Variants in CACNA1E observed in about 807,000 individuals in gnomAD.
CACNA1E encodes the protein calcium voltage-gated channel subunit alpha1 E.
A neutral mutation model predicts 259.2 loss-of-function variants in CACNA1E; 40 were observed. The observed-to-expected ratio is 0.15, with a 90% CI of 0.12 to 0.20. CACNA1E has a LOEUF of 0.20. CACNA1E is among the 10% of genes least tolerant of loss of function. The pLI is 1.00. For missense variants in CACNA1E, 1,874 were observed against 3,040.1 expected (o/e 0.62, Z 9.02); for synonymous variants, 1,104 against 1,138.5 (o/e 0.97, Z 0.61).
chr1:181,571,997 A>T (rs1650458515), intron 3 of CACNA1E, among the ~76,000 whole-genome samples: 1 of 152,262 alleles, frequency 6.6e-6, no homozygotes, highest in Non-Finnish European at 1.5e-5. Context: ...TCAGATAAAC[A>T]ATGAATATTC....
chr1:181,708,733 G>C (rs940277032), intron 7 of CACNA1E, among the ~76,000 whole-genome samples: 1 of 152,192 alleles, frequency 6.6e-6, no homozygotes, highest in Middle Eastern at 3.2e-3. Context: ...ACTCCATCAA[G>C]TTGCATAACT....
At position 181,732,447 on chromosome 1, in the gene CACNA1E, G is replaced by A. The variant is rs754323883; in HGVS notation, c.2361G>A (p.Lys787=). ...VWEQRTSQLR[K]HMQMSSQEAL... ...AGCAGCGTACCAGCCAGCTGAGGAA[G>A]CACATGCAGATGTCCAGCCAGGAGG... The change falls in exon 20 of 48, where the codon AAG becomes AAA. Residue 787 remains lysine, a synonymous_variant. Coordinates refer to ENST00000367573, the MANE Select transcript of CACNA1E (RefSeq NM_001205293.3). This position sits in a 1 kb window ranked among gnomAD's most constrained non-coding sequence, Gnocchi z 5.5. 1.9e-6 allele frequency: 3 copies of A among 1,549,810 alleles called. No homozygotes were observed. The highest frequency in any genetic ancestry group is 2.4e-5 in the South Asian group (2 of 83,798).
chr1:181,698,819 G>C (rs977399492), intron 7 of CACNA1E, among the ~76,000 whole-genome samples: 5 of 152,136 alleles, frequency 3.3e-5, no homozygotes, highest in Non-Finnish European at 7.4e-5. Flanking sequence ...TGTAAGACAG[G>C]CTTAAAGAAG....
chr1:181,488,218 G>T (rs1411177958), intron 1 of CACNA1E, among the ~76,000 whole-genome samples: 1 of 152,186 alleles, frequency 6.6e-6, no homozygotes, highest in Non-Finnish European at 1.5e-5. Context: ...GCCTATAAAT[G>T]TATAGCACAT....
intron 3 of CACNA1E, among the ~76,000 whole-genome samples, chr1:181,560,924 C>A (rs997407307): frequency 6.6e-6 from 1 of 152,214 alleles, no homozygotes; most frequent in Non-Finnish European, 1.5e-5. Flanking sequence ...GAAGGTAGGC[C>A]TGACACATGC....
chr1:181,559,665 C>T (rs563544040), intron 3 of CACNA1E, among the ~76,000 whole-genome samples: 19 of 152,266 alleles, frequency 1.2e-4, no homozygotes, highest in African/African-American at 4.3e-4. Flanking sequence ...ACCTGCGGGC[C>T]TCTGATGCCC....
At chr1:181,502,011 A>G (rs770150380) in intron 1 of CACNA1E, among the ~76,000 whole-genome samples, 16 of 152,180 alleles carry the variant, frequency 1.1e-4, no homozygotes, top group Non-Finnish European at 2.2e-4. Context: ...AGATGATGAC[A>G]TGGGACAGTA....
intron 2 of CACNA1E, among the ~76,000 whole-genome samples, chr1:181,427,918 T>A (rs531471416): frequency 2.8e-4 from 43 of 152,048 alleles, no homozygotes; most frequent in Admixed American, 1.8e-3. Context: ...TCTTTGGCCA[T>A]TTCTGGAAAG....
intron 1 of CACNA1E, among the ~76,000 whole-genome samples, chr1:181,399,337 A>C (rs1038957790): frequency 2.0e-5 from 3 of 151,304 alleles, no homozygotes; most frequent in African/African-American, 7.3e-5. Flanking sequence ...TTCTGACAGG[A>C]GATACATTGA....
At chr1:181,785,219 C>A in intron 41 of CACNA1E, 99 bp from the exon 42 acceptor site, 2 of 739,542 alleles carry the variant, frequency 2.7e-6, no homozygotes, top group Non-Finnish European at 4.8e-6. Context: ...ACTGATAGCA[C>A]AGACCTGTTC....
intron 3 of CACNA1E, among the ~76,000 whole-genome samples, chr1:181,575,094 C>T (rs1650835128): frequency 6.6e-6 from 1 of 151,950 alleles, no homozygotes; most frequent in Admixed American, 6.6e-5. Flanking sequence ...GGCTGTCATT[C>T]CTGCCTCAAG....
At chr1:181,763,862 C>T (rs914159743) in intron 34 of CACNA1E, among the ~76,000 whole-genome samples, 1 of 152,204 alleles carries the variant, frequency 6.6e-6, no homozygotes, top group African/African-American at 2.4e-5. Flanking sequence ...TGAGTAACCC[C>T]ATCCATGTAA....
At chr1:181,674,992 G>A (rs1236536558) in intron 7 of CACNA1E, among the ~76,000 whole-genome samples, 2 of 151,726 alleles carry the variant, frequency 1.3e-5, no homozygotes, top group Admixed American at 6.5e-5. Context: ...GCAAAGGTTA[G>A]TGTTATAATT....
chr1:181,350,626 C>T (rs1243912574), intron 1 of CACNA1E, among the ~76,000 whole-genome samples: 1 of 152,058 alleles, frequency 6.6e-6, no homozygotes, highest in Non-Finnish European at 1.5e-5. Flanking sequence ...TAACCTTGAC[C>T]CCTGGGGGTC....
At chr1:181,639,046 A>G (rs1657499256) in intron 6 of CACNA1E, among the ~76,000 whole-genome samples, 1 of 151,840 alleles carries the variant, frequency 6.6e-6, no homozygotes, top group Admixed American at 6.6e-5. Context: ...AGATTAATGT[A>G]TGCTATGCAC....
chr1:181,727,351 G>T (rs1042596033), intron 18 of CACNA1E, among the ~76,000 whole-genome samples: 4 of 152,226 alleles, frequency 2.6e-5, no homozygotes, highest in Non-Finnish European at 4.4e-5. Context: ...AAGGAAAACT[G>T]CAGGAAGGAG....
intron 38 of CACNA1E, among the ~76,000 whole-genome samples, chr1:181,777,032 T>C (rs569616732): frequency 6.6e-6 from 1 of 152,366 alleles, no homozygotes; most frequent in African/African-American, 2.4e-5. Flanking sequence ...TGAAAGTATT[T>C]ACTACAGAAA....
At chr1:181,382,760 C>A (rs943775216) in intron 1 of CACNA1E, among the ~76,000 whole-genome samples, 1 of 152,144 alleles carries the variant, frequency 6.6e-6, no homozygotes, top group African/African-American at 2.4e-5. Context: ...ATCAATGTTT[C>A]CTTTAAGGGC....
chr1:181,756,091 T>C lies in CACNA1E; in HGVS notation c.4125T>C (p.Pro1375=). The C allele has an allele frequency of 6.2e-7, 1 of 1,611,648 alleles. No individual in the cohort carries two copies. Among genetic ancestry groups the C allele is most frequent in the Non-Finnish European group, 8.5e-7 (1 of 1,178,566 alleles). The change falls in exon 29 of 48, where the codon CCT becomes CCC. Residue 1375 remains proline, a splice_region_variant and synonymous_variant. Coordinates refer to ENST00000367573, the MANE Select transcript of CACNA1E (RefSeq NM_001205293.3). ...LFTVSTGEGW[P]QVLQHSVDVT... is the part of the protein sequence containing the mutation. The stretch of plus-strand genomic sequence containing the variant: ...CCGTCTCCACAGGGGAAGGATGGCC[T>C]CAGTGAGTGATTGAGTTGTCATGCT...
Sources: gnomAD v4.1 joint callset for allele counts (sites outside exome capture counted in the v4.1 genomes callset) on GRCh38, gnomAD v4.1.1 for gene constraint, Gnocchi (gnomAD v3.1) non-coding constraint, MANE v1.5 for transcripts, NCBI Gene and HGNC (gene_info 2026-07-23, HGNC 2026-07-21) for gene names.